Variants in CRB1 observed in about 807,000 individuals in gnomAD.
CRB1 encodes the protein crumbs cell polarity complex component 1.
CRB1 carries 83 observed loss-of-function variants against 120.0 expected under a neutral mutation model. The ratio of observed to expected loss-of-function variants is 0.69; its 90% confidence interval spans 0.58 to 0.83. The LOEUF is 0.83. CRB1 is among the 40% of genes least tolerant of loss of function. The pLI, the probability that CRB1 is intolerant of heterozygous loss-of-function variation, is 0.00. For missense variants in CRB1, 1,699 were observed against 1,687.6 expected (o/e 1.01, Z -0.12); for synonymous variants, 625 against 612.5 (o/e 1.02, Z -0.30).
chr1:197,458,923 A>G (rs970533775), intron 11 of CRB1, among the ~76,000 whole-genome samples: 1 of 152,008 alleles, frequency 6.6e-6, no homozygotes, highest in Non-Finnish European at 1.5e-5. Flanking sequence ...GCTATGAGCT[A>G]TTGCAAGAGG....
At position 197,438,812 on chromosome 1, in the gene CRB1, A is replaced by G. The variant is rs980371; in HGVS notation, c.3878+137A>G. The stretch of plus-strand genomic sequence containing the variant: ...ATGCTGAAATAGAGGTTCAGACAGA[A>G]TGAAACAATAAAAAAGAAGAAAAAC... On this transcript the variant is annotated intron_variant, in intron 10 of 11. Coordinates refer to ENST00000367400, the MANE Select transcript of CRB1 (RefSeq NM_201253.3). 0.98 allele frequency: 1,057,734 copies of G among 1,075,132 alleles called. 522,145 individuals are homozygous for G. The highest frequency in any genetic ancestry group is 1 in the East Asian group (39,895 of 39,896). 66.6% of individuals were successfully genotyped at this position (1,075,132 alleles called of 1,614,324 possible).
At chr1:197,263,524 T>G (rs1175574368), upstream of CRB1, among the ~76,000 whole-genome samples, 12 of 152,312 alleles carry the variant, frequency 7.9e-5, no homozygotes, top group East Asian at 2.3e-3. Context: ...CTCTTTGGTT[T>G]AATTAGGTCC....
chr1:197,429,718 A>AT, intron 8 of CRB1, 104 bp downstream of exon 8: 2 of 1,222,924 alleles, frequency 1.6e-6, no homozygotes, highest in Non-Finnish European at 2.3e-6. Context: ...AGTTTATTAA[A>AT]TTAATCTATG....
chr1:197,236,085 T>C, the CRB1 span, among the ~76,000 whole-genome samples: 1 of 152,086 alleles, frequency 6.6e-6, no homozygotes, highest in Admixed American at 6.6e-5. Flanking sequence ...TACAAACACA[T>C]TTTAGACAGA....
chr1:197,354,775 G>C (rs1660347911), intron 4 of CRB1, among the ~76,000 whole-genome samples: 1 of 110,868 alleles, frequency 9.0e-6, no homozygotes, highest in Non-Finnish European at 1.8e-5. Context: ...CGTTGCCACT[G>C]CTGGCTCCAG....
chr1:197,463,308 C>A (rs960825761), intron 11 of CRB1, among the ~76,000 whole-genome samples: 9 of 152,090 alleles, frequency 5.9e-5, no homozygotes, highest in Non-Finnish European at 4.4e-5. Flanking sequence ...GAAAACAAAA[C>A]CCTTCCACCC....
intron 1 of CRB1, among the ~76,000 whole-genome samples, chr1:197,283,068 T>G (rs1296690497): frequency 1.3e-5 from 2 of 151,498 alleles, no homozygotes; most frequent in African/African-American, 4.8e-5. Context: ...TCTCAACACT[T>G]AGTCAAAAGG....
At chr1:197,216,614 A>G in the CRB1 span, among the ~76,000 whole-genome samples, 2 of 152,260 alleles carry the variant, frequency 1.3e-5, no homozygotes, top group Admixed American at 6.5e-5. Context: ...AAAATTAATT[A>G]TGATTCAAAA....
Position 197,272,618 on chromosome 1 carries a change from T to A in CRB1, c.70+4136T>A, listed in dbSNP as rs74136092. On this transcript the variant is annotated intron_variant, in intron 1 of 11. Transcript: ENST00000367400. ...TAATAAAAAGAAATGAACTATCAAG[T>A]CACAAAAGCACATGGAGGGAGCTTA... 4.5e-3 allele frequency among the ~76,000 whole-genome samples: 691 copies of A among 152,210 alleles called. 4 individuals carry two copies. The highest frequency in any genetic ancestry group is 0.016 in the African/African-American group (659 of 41,536).
rs1216837316 is a variant in CRB1, at chr1:197,376,960, C to T, written c.1171+19947C>T. On this transcript the variant is annotated intron_variant, in intron 5 of 11. Transcript: ENST00000367400. ...CTTAAAGTTACTTGGTTAGGCCAAACTCATTTCTGCCTTAGGGGTTTTACA... is the reference window on the plus strand; with the variant it reads ...CTTAAAGTTACTTGGTTAGGCCAAATTCATTTCTGCCTTAGGGGTTTTACA... Among the ~76,000 whole-genome samples the T allele has an allele frequency of 3.3e-5, 5 of 152,246 alleles. 1 individual carries two copies. The highest frequency in any genetic ancestry group is 1.2e-4 in the African/African-American group (5 of 41,562).
chr1:197,403,795 C>T (rs1663189223), intron 5 of CRB1, among the ~76,000 whole-genome samples: 1 of 152,056 alleles, frequency 6.6e-6, no homozygotes, highest in Admixed American at 6.5e-5. Context: ...TCCCTCTCTC[C>T]CCCTGCCCCG....
the CRB1 span, among the ~76,000 whole-genome samples, chr1:197,257,121 A>G: frequency 6.6e-6 from 1 of 152,060 alleles, no homozygotes; most frequent in Non-Finnish European, 1.5e-5. Context: ...CCAAGTCCAT[A>G]GGCCTGAAAA....
At chr1:197,240,398 C>T in the CRB1 span, among the ~76,000 whole-genome samples, 5 of 151,976 alleles carry the variant, frequency 3.3e-5, no homozygotes, top group African/African-American at 1.2e-4. Flanking sequence ...CCCTGGTGTG[C>T]GATGTTCCCC....
At chr1:197,300,975 G>A (rs1389147992) in intron 1 of CRB1, among the ~76,000 whole-genome samples, 3 of 151,786 alleles carry the variant, frequency 2.0e-5, no homozygotes, top group Non-Finnish European at 1.5e-5. Flanking sequence ...TCTGTTTACA[G>A]TATGGTTTAC....
At chr1:197,431,512 A>C (rs1289864718) in intron 8 of CRB1, among the ~76,000 whole-genome samples, 1 of 152,098 alleles carries the variant, frequency 6.6e-6, no homozygotes, top group Non-Finnish European at 1.5e-5. Flanking sequence ...AGAAATACTA[A>C]AGTTGTTAGT....
intron 6 of CRB1, among the ~76,000 whole-genome samples, chr1:197,424,229 A>G (rs1221000293): frequency 1.3e-5 from 2 of 152,168 alleles, no homozygotes; most frequent in African/African-American, 2.4e-5. Context: ...AAATAGAGAG[A>G]TCACTCACTC....
At chr1:197,370,258 A>G (rs1661303346) in intron 5 of CRB1, among the ~76,000 whole-genome samples, 1 of 152,118 alleles carries the variant, frequency 6.6e-6, no homozygotes, top group Admixed American at 6.6e-5. Context: ...ACCGCAAGGT[A>G]TTTATACTTT....
chr1:197,384,736 T>C (rs774228121), intron 5 of CRB1, among the ~76,000 whole-genome samples: 1 of 152,104 alleles, frequency 6.6e-6, no homozygotes, highest in Admixed American at 6.6e-5. Flanking sequence ...CCCCAAAGCA[T>C]TTCCCACTTA....
At chr1:197,429,406 A>G in intron 7 of CRB1, 43 bp from the exon 8 acceptor site, 1 of 1,602,890 alleles carries the variant, frequency 6.2e-7, no homozygotes, top group Non-Finnish European at 8.5e-7. Flanking sequence ...TTTTCTATTT[A>G]GTTGCCAGTG....
Sources: gnomAD v4.1 joint callset for allele counts (sites outside exome capture counted in the v4.1 genomes callset) on GRCh38, gnomAD v4.1.1 for gene constraint, MANE v1.5 for transcripts, NCBI Gene and HGNC (gene_info 2026-07-23, HGNC 2026-07-21) for gene names.